COL23A1: variants seen among roughly 807,000 people sequenced by gnomAD.
COL23A1 encodes the protein collagen type XXIII alpha 1 chain, also known as collagen alpha-1(XXIII) chain.
COL23A1 carries 97 observed loss-of-function variants against 99.3 expected under a neutral mutation model. That is an observed-to-expected ratio of 0.98 (90% CI 0.83 to 1.16). COL23A1 has a LOEUF of 1.16. COL23A1 is among the 50% of genes most tolerant of loss of function. COL23A1 has a pLI of 0.00. For synonymous variants in COL23A1, 320 were observed against 308.2 expected (o/e 1.04, Z -0.40); for missense variants, 762 against 757.4 (o/e 1.01, Z -0.07).
chr5:178,348,406 G>C (rs1402077595), intron 2 of COL23A1, among the ~76,000 whole-genome samples: 2 of 152,174 alleles, frequency 1.3e-5, no homozygotes, highest in African/African-American at 2.4e-5. Flanking sequence ...CCCCTGGCAG[G>C]GTCAAGGCCC....
intron 2 of COL23A1, among the ~76,000 whole-genome samples, chr5:178,524,906 T>C (rs28699028): frequency 0.016 from 2,470 of 152,280 alleles, 59 homozygotes; most frequent in African/African-American, 0.055. Flanking sequence ...CCCAGCACTC[T>C]GCGGGACTCC....
At chr5:178,457,446 C>T (rs1195381919) in intron 2 of COL23A1, among the ~76,000 whole-genome samples, 1 of 152,128 alleles carries the variant, frequency 6.6e-6, no homozygotes, top group Non-Finnish European at 1.5e-5. Context: ...AACCCCTGAC[C>T]TCAAGTGATC....
chr5:178,442,551 G>A (rs1766933637), intron 2 of COL23A1, among the ~76,000 whole-genome samples: 1 of 152,160 alleles, frequency 6.6e-6, no homozygotes, highest in Non-Finnish European at 1.5e-5. Context: ...CTGCCATTCG[G>A]GGAGCACCAG....
chr5:178,403,220 C>T (rs1200521565), intron 2 of COL23A1, among the ~76,000 whole-genome samples: 1 of 151,700 alleles, frequency 6.6e-6, no homozygotes, highest in Non-Finnish European at 1.5e-5. Context: ...ATACAGTTTA[C>T]AGTGTTTTAT....
In COL23A1 at chr5:178,247,851, G is replaced by C. The variant is rs775653997; in HGVS notation, c.1213-20C>G. On this transcript the variant is annotated intron_variant, in intron 20 of 28. Coordinates refer to ENST00000390654, the MANE Select transcript of COL23A1 (RefSeq NM_173465.4). Reference sequence around the variant, plus strand: ...CTGAGCCTAGGGAGGGTGAGAGACAGGTTAGTCACCCACCGCCTGTCACCC... The same window carrying C: ...CTGAGCCTAGGGAGGGTGAGAGACACGTTAGTCACCCACCGCCTGTCACCC... 3.1e-6 allele frequency: 5 copies of C among 1,607,204 alleles called. No homozygotes were observed. Among genetic ancestry groups the C allele is most frequent in the Non-Finnish European group, 4.3e-6 (5 of 1,176,246 alleles).
chr5:178,389,388 C>T lies in COL23A1; in HGVS notation c.362-82469G>A, dbSNP rs138764420. 1.6e-3 allele frequency among the ~76,000 whole-genome samples: 250 copies of T among 152,322 alleles called. 2 individuals carry two copies. The highest frequency in any genetic ancestry group is 7.8e-3 in the Admixed American group (119 of 15,302). On this transcript the variant is annotated intron_variant, in intron 2 of 28. Coordinates refer to ENST00000390654, the MANE Select transcript of COL23A1 (RefSeq NM_173465.4). ...CACAGAGACTCACAGCACACAGCAACATCTGCATTTAGTCAAAGTGATGCT... is the reference window on the plus strand; with the variant it reads ...CACAGAGACTCACAGCACACAGCAATATCTGCATTTAGTCAAAGTGATGCT...
intron 2 of COL23A1, among the ~76,000 whole-genome samples, chr5:178,553,479 G>A (rs536303059): frequency 3.3e-5 from 5 of 152,288 alleles, no homozygotes; most frequent in South Asian, 2.1e-4. Context: ...AAAATCACCC[G>A]ACATTGCAAG....
At chr5:178,390,355 C>T (rs143047025) in intron 2 of COL23A1, among the ~76,000 whole-genome samples, 28 of 152,342 alleles carry the variant, frequency 1.8e-4, no homozygotes, top group Admixed American at 1.4e-3. Flanking sequence ...CAAGGAGGCA[C>T]ATGGCCATGA....
Position 178,245,935 on chromosome 5 carries a change from CACTT to C in COL23A1, c.1440+3_1440+6del. The C allele has an allele frequency of 6.2e-7, 1 of 1,614,132 alleles. No homozygotes were observed. The highest frequency in any genetic ancestry group is 8.5e-7 in the Non-Finnish European group (1 of 1,179,994). On this transcript the variant is annotated splice_donor_5th_base_variant and intron_variant, in intron 25 of 28. Coordinates refer to ENST00000390654, the MANE Select transcript of COL23A1 (RefSeq NM_173465.4). ...CCAATTACTCAAAGTGATGATAAGA[CACTT>C]ACATCTAGTCCTGGCTCCCCGGGTC... is the stretch of plus-strand genomic sequence containing the variant.
In COL23A1 at chr5:178,587,372, C is replaced by A. The variant is rs558044032; in HGVS notation, c.294+2532G>T. Among the ~76,000 whole-genome samples the A allele has an allele frequency of 7.9e-5, 12 of 152,238 alleles. No individual in the cohort carries two copies. The South Asian group carries it at 2.5e-3, about 32-fold the overall frequency. ...TATCTTCATTATCGGGCACATCAGC[C>A]GGTCCCAGAAAAAGTTATTTCACAG... is the stretch of plus-strand genomic sequence containing the variant. On this transcript the variant is annotated intron_variant, in intron 1 of 28. Coordinates refer to ENST00000390654, the MANE Select transcript of COL23A1 (RefSeq NM_173465.4).
intron 2 of COL23A1, among the ~76,000 whole-genome samples, chr5:178,558,280 G>A (rs1762387493): frequency 2.0e-5 from 3 of 152,044 alleles, no homozygotes; most frequent in African/African-American, 7.2e-5. Flanking sequence ...AAGCCCCCCA[G>A]AGCCCGCTTC....
At chr5:178,266,882 T>C (rs1433044824) in intron 8 of COL23A1, among the ~76,000 whole-genome samples, 1 of 152,222 alleles carries the variant, frequency 6.6e-6, no homozygotes, top group African/African-American at 2.4e-5. Flanking sequence ...CCATTCACAG[T>C]TGAAGAAACT....
intron 2 of COL23A1, among the ~76,000 whole-genome samples, chr5:178,391,750 A>C (rs1007849228): frequency 6.6e-6 from 1 of 152,234 alleles, no homozygotes; most frequent in Non-Finnish European, 1.5e-5. Context: ...GAAATGAAAC[A>C]TCTGTCCATA....
chr5:178,458,929 T>G (rs1755953883), intron 2 of COL23A1, among the ~76,000 whole-genome samples: 2 of 152,148 alleles, frequency 1.3e-5, no homozygotes, highest in African/African-American at 4.8e-5. Context: ...GGCAGAGGAA[T>G]CTATTAAATG....
At chr5:178,376,067 CT>C (rs1360589873) in intron 2 of COL23A1, among the ~76,000 whole-genome samples, 1 of 152,210 alleles carries the variant, frequency 6.6e-6, no homozygotes, top group East Asian at 1.9e-4. Context: ...AGGGGGACCC[CT>C]GGCCCTGCCT....
chr5:178,363,517 C>G (rs1309154956), intron 2 of COL23A1, among the ~76,000 whole-genome samples: 1 of 152,248 alleles, frequency 6.6e-6, no homozygotes, highest in Non-Finnish European at 1.5e-5. Flanking sequence ...AACCAACCAG[C>G]TACACTCCCA....
intron 2 of COL23A1, among the ~76,000 whole-genome samples, chr5:178,389,204 C>T (rs933979070): frequency 4.0e-4 from 61 of 152,124 alleles, no homozygotes; most frequent in African/African-American, 1.4e-3. Context: ...TGTGGCTTTA[C>T]AAAATTTTTG....
intron 2 of COL23A1, among the ~76,000 whole-genome samples, chr5:178,409,311 G>A (rs1279640475): frequency 6.6e-6 from 1 of 152,294 alleles, no homozygotes; most frequent in South Asian, 2.1e-4. Flanking sequence ...GCCAGTCTTC[G>A]AATGCCACAC....
intron 2 of COL23A1, among the ~76,000 whole-genome samples, chr5:178,533,749 A>T (rs544713654): frequency 1.3e-5 from 2 of 152,284 alleles, no homozygotes; most frequent in East Asian, 3.9e-4. Flanking sequence ...CGCCTGCCTC[A>T]GCCTCCCAAA....
Sources: allele counts gnomAD v4.1 joint callset (sites outside exome capture counted in the v4.1 genomes callset), GRCh38; gene constraint gnomAD v4.1.1; transcripts MANE v1.5; gene names NCBI Gene and HGNC (gene_info 2026-07-23, HGNC 2026-07-21).